DIAPH3: variants seen among roughly 807,000 people sequenced by gnomAD.
The protein encoded by DIAPH3 is diaphanous related formin 3.
Under a neutral mutation model 144.3 loss-of-function variants are expected in DIAPH3, and 117 were observed. That is an observed-to-expected ratio of 0.81 (90% CI 0.70 to 0.95). The LOEUF is 0.95. DIAPH3 is among the 40% of genes least tolerant of loss of function. The pLI is 0.00. For missense variants in DIAPH3, 1,421 were observed against 1,412.7 expected (o/e 1.01, Z -0.09); for synonymous variants, 519 against 488.9 (o/e 1.06, Z -0.81).
chr13:60,047,062 C>T (rs1016231016), intron 4 of DIAPH3, among the ~76,000 whole-genome samples: 3 of 151,888 alleles, frequency 2.0e-5, no homozygotes, highest in Admixed American at 1.3e-4. Context: ...CACCATGGCA[C>T]GTGTATACCT....
chr13:59,839,504 T>C (rs2042225618), intron 22 of DIAPH3, 56 bp from the exon 23 acceptor site: 2 of 1,532,462 alleles, frequency 1.3e-6, no homozygotes, highest in Non-Finnish European at 1.8e-6. Flanking sequence ...ATATAAAAGG[T>C]AAGACACCCT....
chr13:59,892,267 G>A (rs1290896830), intron 20 of DIAPH3, among the ~76,000 whole-genome samples: 1 of 151,720 alleles, frequency 6.6e-6, no homozygotes, highest in East Asian at 1.9e-4. Context: ...AACAGCAAGA[G>A]GAAAACCTAA....
At chr13:60,001,096 T>C (rs1011158579) in intron 9 of DIAPH3, among the ~76,000 whole-genome samples, 1 of 152,120 alleles carries the variant, frequency 6.6e-6, no homozygotes. Context: ...GATGTGTGTA[T>C]ACAAAACAAT....
At chr13:59,956,188 A>T (rs920628317) in intron 17 of DIAPH3, among the ~76,000 whole-genome samples, 1 of 152,220 alleles carries the variant, frequency 6.6e-6, no homozygotes, top group Non-Finnish European at 1.5e-5. Context: ...TTGCATAAGT[A>T]ATGAGGAGCC....
chr13:60,119,875 C>T (rs1408873479), intron 2 of DIAPH3, among the ~76,000 whole-genome samples: 2 of 151,074 alleles, frequency 1.3e-5, no homozygotes, highest in African/African-American at 2.4e-5. Context: ...GCCTATAGCA[C>T]AGTACCTGAT....
intron 25 of DIAPH3, among the ~76,000 whole-genome samples, chr13:59,802,514 A>C (rs2039958039): frequency 6.7e-6 from 1 of 149,150 alleles, no homozygotes; most frequent in Non-Finnish European, 1.5e-5. Flanking sequence ...TTTTCAACAC[A>C]GACTGGTCAT....
chr13:59,689,797 G>A (rs528110282), intron 27 of DIAPH3, among the ~76,000 whole-genome samples: 3 of 151,710 alleles, frequency 2.0e-5, no homozygotes, highest in Admixed American at 2.0e-4. Context: ...AGCAGTGTGT[G>A]TGTGTGTGTG....
chr13:59,815,753 G>A (rs929852904), intron 24 of DIAPH3, among the ~76,000 whole-genome samples: 1 of 151,964 alleles, frequency 6.6e-6, no homozygotes, highest in African/African-American at 2.4e-5. Context: ...ACCACACCCA[G>A]CCTAAAAAAT....
chr13:59,787,491 G>A (rs1271689873), intron 25 of DIAPH3, among the ~76,000 whole-genome samples: 1 of 152,110 alleles, frequency 6.6e-6, no homozygotes, highest in Non-Finnish European at 1.5e-5. Context: ...CAAGGAGAGA[G>A]AATCACTTGA....
intron 27 of DIAPH3, among the ~76,000 whole-genome samples, chr13:59,702,762 T>G (rs183395623): frequency 6.6e-6 from 1 of 152,220 alleles, no homozygotes; most frequent in African/African-American, 2.4e-5. Context: ...TTATATGGTC[T>G]GGCCTCCTGT....
At chr13:60,128,224 T>C (rs1237363106) in intron 2 of DIAPH3, among the ~76,000 whole-genome samples, 2 of 152,212 alleles carry the variant, frequency 1.3e-5, no homozygotes, top group Non-Finnish European at 1.5e-5. Flanking sequence ...TCCATGTTCC[T>C]GCAAAGGACA....
chr13:59,861,280 TA>T, intron 22 of DIAPH3, 126 bp downstream of exon 22: 1 of 1,554,624 alleles, frequency 6.4e-7, no homozygotes, highest in Middle Eastern at 1.8e-4. Context: ...TCTTTATTTT[TA>T]AAATGAGATA....
chr13:60,010,784 G>C (rs2053194630), intron 7 of DIAPH3, 115 bp from the exon 8 acceptor site: 4 of 1,036,182 alleles, frequency 3.9e-6, no homozygotes. Flanking sequence ...ACTTACTAAA[G>C]CTAAAAAATA....
intron 4 of DIAPH3, among the ~76,000 whole-genome samples, chr13:60,080,924 TACATGGAGTACATC>T (rs2057536993): frequency 6.6e-6 from 1 of 152,022 alleles, no homozygotes; most frequent in East Asian, 1.9e-4. Flanking sequence ...GAACTCAATT[TACATGGAGTACATC>T]ACTATGCTTT....
At chr13:59,947,723 ACT>A (rs1029186569) in intron 17 of DIAPH3, among the ~76,000 whole-genome samples, 2 of 150,522 alleles carry the variant, frequency 1.3e-5, no homozygotes, top group Non-Finnish European at 3.0e-5. Context: ...ACAGAGCAAG[ACT>A]CTGTATTTAA....
intron 2 of DIAPH3, among the ~76,000 whole-genome samples, chr13:60,123,555 A>T (rs955644884): frequency 6.6e-6 from 1 of 152,222 alleles, no homozygotes; most frequent in Non-Finnish European, 1.5e-5. Flanking sequence ...TAAGTACAGG[A>T]AGTCCTAATT....
intron 3 of DIAPH3, among the ~76,000 whole-genome samples, chr13:60,099,589 G>A (rs190120966): frequency 2.6e-5 from 4 of 152,198 alleles, no homozygotes; most frequent in African/African-American, 4.8e-5. Context: ...AGTCTCTACC[G>A]AATGCATGTT....
chr13:59,810,038 A>G (rs759793225), intron 25 of DIAPH3, among the ~76,000 whole-genome samples: 1 of 152,108 alleles, frequency 6.6e-6, no homozygotes, highest in Non-Finnish European at 1.5e-5. Flanking sequence ...AAATACATAT[A>G]TACATATGTT....
Position 59,747,495 on chromosome 13 carries a change from T to A in DIAPH3, c.3319+26694A>T, listed in dbSNP as rs573115327. 9.2e-5 allele frequency among the ~76,000 whole-genome samples: 14 copies of A among 152,058 alleles called. No homozygotes were observed. In the South Asian group the frequency reaches 2.7e-3, roughly 29 times the overall value. Reference sequence around the variant, plus strand: ...TTTAAAAGGAGGGACAAGGCATGAGTGGTTTAAGTAAGGGTTAAAAAATGA... The same window carrying A: ...TTTAAAAGGAGGGACAAGGCATGAGAGGTTTAAGTAAGGGTTAAAAAATGA... On this transcript the variant is annotated intron_variant, in intron 27 of 27. Coordinates refer to ENST00000400324, the MANE Select transcript of DIAPH3 (RefSeq NM_001042517.2).
Sources: allele counts gnomAD v4.1 joint callset (sites outside exome capture counted in the v4.1 genomes callset), GRCh38; gene constraint gnomAD v4.1.1; transcripts MANE v1.5; gene names NCBI Gene and HGNC (gene_info 2026-07-23, HGNC 2026-07-21).